Variants in CCNA1 observed in about 807,000 individuals in gnomAD.
The protein encoded by CCNA1 is cyclin A1.
Under a neutral mutation model 54.1 loss-of-function variants are expected in CCNA1, and 23 were observed. That is an observed-to-expected ratio of 0.42 (90% confidence interval 0.31 to 0.60). The LOEUF (loss-of-function observed/expected upper bound fraction) is 0.60, where lower values mean the gene tolerates loss of function less well. Ranked by LOEUF, CCNA1 falls within the 20% of genes least tolerant of loss-of-function variation. The probability of loss-of-function intolerance (pLI) is 0.14; values close to 1 mark genes in which losing one functional copy is unlikely to be tolerated. For synonymous variants in CCNA1, 208 were observed against 213.9 expected (o/e 0.97, Z 0.24); for missense variants, 450 against 556.7 (o/e 0.81, Z 1.93).
At position 36,440,160 on chromosome 13, in the gene CCNA1, G is replaced by T; in HGVS notation, c.1075G>T (p.Val359Phe). 1 of 1,613,996 alleles carries T rather than the reference G, an allele frequency of 6.2e-7. No individual in the cohort carries two copies. Among genetic ancestry groups the T allele is most frequent in the Non-Finnish European group, 8.5e-7 (1 of 1,179,914 alleles). ...GTACTTGAGGCGACAAGGAGTGTGC[G>T]TCAGGACTGAGAACCTGGCTAAGGT... Residue 359 changes from valine to phenylalanine, a missense_variant, in exon 6 of 9, where the codon GTC (valine) becomes TTC (phenylalanine). Physicochemically the swap from Val to Phe is conservative, Grantham distance 50 (BLOSUM62 -1). This residue lies in a region of CCNA1 where 150 missense variants were observed against 219.7 expected (regional missense o/e 0.68). Coordinates refer to ENST00000255465, the MANE Select transcript of CCNA1 (RefSeq NM_003914.4).
rs1491262535 is a variant in CCNA1 at position 36,433,419 on chromosome 13, T to TTTCGTTCGTTCGTTCG, written c.297+201_297+202insGTTCGTTCGTTCGTTC. Among the ~76,000 whole-genome samples the TTTCGTTCGTTCGTTCG allele has an allele frequency of 5.9e-5, 7 of 119,428 alleles. 1 individual carries two copies. The highest frequency in any genetic ancestry group is 2.4e-4 in the African/African-American group (7 of 29,640). 78.3% of individuals were successfully genotyped at this position (119,428 alleles called of 152,430 possible). A position where few individuals can be genotyped will look rare whatever the true frequency, so the allele number is the denominator to read the frequency against. On this transcript the variant is annotated intron_variant, in intron 2 of 8. Transcript: ENST00000255465. ...CTTTCTTTCTTTCTTTCTTTCTTTC[T>TTTCGTTCGTTCGTTCG]TTCTTTCTTTCTTTCTTTCTTTCGT...
In CCNA1 at chr13:36,441,416, T is replaced by C. The variant is rs114084785; in HGVS notation, c.1212+185T>C. On this transcript the variant is annotated intron_variant, in intron 7 of 8. Coordinates refer to ENST00000255465, the MANE Select transcript of CCNA1 (RefSeq NM_003914.4). ...TGGCTTCACTCTATGAGGACTGAGA[T>C]TGCAGGAAGTCAAGGAGACAGCATC... Among the ~76,000 whole-genome samples, 651 of 152,266 alleles carry C rather than the reference T, an allele frequency of 4.3e-3. 7 individuals are homozygous for C. Among genetic ancestry groups the C allele is most frequent in the African/African-American group, 0.015 (616 of 41,554 alleles).
intron 5 of CCNA1, 98 bp from the exon 6 acceptor site, chr13:36,439,881 A>T: frequency 1.4e-6 from 1 of 707,282 alleles, no homozygotes; most frequent in Non-Finnish European, 2.4e-6. Flanking sequence ...GCTGCAAAGT[A>T]AGTCTGCAAG....
At chr13:36,433,522 T>A (rs71423154) in intron 2 of CCNA1, among the ~76,000 whole-genome samples, 1 of 125,522 alleles carries the variant, frequency 8.0e-6, no homozygotes, top group South Asian at 2.7e-4. Context: ...CTTTCCTTTT[T>A]TTTTCTTTCC....
chr13:36,442,151 T>C lies in CCNA1; in HGVS notation c.1213-20T>C, dbSNP rs369532446. 5.0e-6 allele frequency: 8 copies of C among 1,597,918 alleles called. No individual in the cohort carries two copies. The highest frequency in any genetic ancestry group is 6.8e-6 in the Non-Finnish European group (8 of 1,169,970). On this transcript the variant is annotated intron_variant, in intron 7 of 8. Coordinates refer to ENST00000255465, the MANE Select transcript of CCNA1 (RefSeq NM_003914.4). ...AATATAAAGTTATGTGAAGCAATTTTTTTCTTTTGTCTTGATTAGCCAGAA... is the reference window on the plus strand; with the variant it reads ...AATATAAAGTTATGTGAAGCAATTTCTTTCTTTTGTCTTGATTAGCCAGAA...
intron 2 of CCNA1, among the ~76,000 whole-genome samples, chr13:36,435,637 C>T (rs1365836507): frequency 6.6e-6 from 1 of 152,136 alleles, no homozygotes; most frequent in Non-Finnish European, 1.5e-5. Context: ...GCCCTAGGAC[C>T]TAGTCTTTGA....
At chr13:36,442,022 C>T in intron 7 of CCNA1, 149 bp from the exon 8 acceptor site, 1 of 527,280 alleles carries the variant, frequency 1.9e-6, no homozygotes, top group Non-Finnish European at 3.3e-6. Flanking sequence ...TGATATTTTA[C>T]ATCTAAAATC....
rs1253826536 is a variant in CCNA1 at position 36,438,696 on chromosome 13, A to G, written c.722A>G (p.Glu241Gly). The G allele has an allele frequency of 6.2e-7, 1 of 1,614,110 alleles. No individual in the cohort carries two copies. Among genetic ancestry groups the G allele is most frequent in the Non-Finnish European group, 8.5e-7 (1 of 1,180,008 alleles). ...ATGAAGAAGCAGCCAGACATCACGG[A>G]AGGCATGCGCACGATTCTGGTGGAC... Residue 241 changes from glutamate to glycine, a missense_variant, in exon 5 of 9, where the codon GAA (glutamate) becomes GGA (glycine). Transcript: ENST00000255465.
intron 2 of CCNA1, among the ~76,000 whole-genome samples, chr13:36,435,460 G>C (rs1009579977): frequency 2.6e-5 from 4 of 152,062 alleles, no homozygotes; most frequent in South Asian, 4.2e-4. Context: ...TTCCTTCCTC[G>C]ACTGATCAGC....
At chr13:36,432,368 GTGCCC>G (rs1445055370), upstream of CCNA1, 1 of 256,446 alleles carries the variant, frequency 3.9e-6, no homozygotes, top group East Asian at 6.7e-5. Context: ...CCGCCCTTCC[GTGCCC>G]TGCCCTTCCC....
chr13:36,439,044 G>A (rs2055844266), intron 5 of CCNA1, among the ~76,000 whole-genome samples, 177 bp downstream of exon 5: 1 of 152,086 alleles, frequency 6.6e-6, no homozygotes, highest in Admixed American at 6.5e-5. Context: ...CTTACCACAT[G>A]TTTACTCTTC....
At chr13:36,432,904 C>A in intron 1 of CCNA1, 129 bp from the exon 2 acceptor site, 2 of 1,019,788 alleles carry the variant, frequency 2.0e-6, no homozygotes, top group Non-Finnish European at 3.0e-6. Flanking sequence ...CCAATAATTA[C>A]TGGGAAGATC....
chr13:36,438,037 GAGTTATCTGAC>G lies in CCNA1; in HGVS notation c.545-26_545-16del, dbSNP rs1457037151. 6.2e-7 allele frequency: 1 copy of G among 1,605,574 alleles called. No homozygotes were observed. Among genetic ancestry groups the G allele is most frequent in the Middle Eastern group, 1.7e-4 (1 of 5,988 alleles). On this transcript the variant is annotated intron_variant, in intron 3 of 8. Transcript: ENST00000255465. ...GATTGAACAAATGTTTAAATTAAAT[GAGTTATCTGAC>G]AGTGTTGAACTCTTGCAGTTTCCCC...
At chr13:36,439,852 G>A in intron 5 of CCNA1, 127 bp from the exon 6 acceptor site, 1 of 629,210 alleles carries the variant, frequency 1.6e-6, no homozygotes, top group African/African-American at 1.8e-5. Context: ...TCATTTAGTG[G>A]TATTTAAGTG....
chr13:36,438,748 T>C lies in CCNA1; in HGVS notation c.774T>C (p.Tyr258=). ...GGCTGGTGGAGGTTGGGGAAGAATA[T>C]AAACTTCGAGCAGAGACCCTGTATC... is the stretch of plus-strand genomic sequence containing the variant. Residue 258 remains tyrosine (Y), a synonymous_variant, in exon 5 of 9, where the codon TAT becomes TAC. Coordinates refer to ENST00000255465, the MANE Select transcript of CCNA1 (RefSeq NM_003914.4). 1.9e-6 allele frequency: 3 copies of C among 1,614,020 alleles called. No individual in the cohort carries two copies. Among genetic ancestry groups the C allele is most frequent in the Non-Finnish European group, 2.5e-6 (3 of 1,179,966 alleles).
Position 36,442,812 on chromosome 13 carries a change from C to A in CCNA1, c.*147C>A. The A allele has an allele frequency of 2.9e-6, 2 of 684,192 alleles. No individual in the cohort carries two copies. Among genetic ancestry groups the A allele is most frequent in the Non-Finnish European group, 2.5e-6 (1 of 397,966 alleles). 42.4% of individuals were successfully genotyped at this position (684,192 alleles called of 1,614,324 possible). A position where few individuals can be genotyped will look rare whatever the true frequency, so the allele number is the denominator to read the frequency against. ...GTAAATGAATTTAGTTTCCCTTAGA[C>A]TTTAGTAGTTTGTAATATAGTCCAA... On this transcript the variant is annotated 3_prime_UTR_variant, in exon 9 of 9. Coordinates refer to ENST00000255465, the MANE Select transcript of CCNA1 (RefSeq NM_003914.4).
rs948629872 is a variant in CCNA1, at chr13:36,433,368, T to G, written c.297+147T>G. ...TGGACTACAGGAAAGTTGATTGATT[T>G]ATTTTCTTTCTTTCTTTCTTTCTTT... On this transcript the variant is annotated intron_variant, in intron 2 of 8. Coordinates refer to ENST00000255465, the MANE Select transcript of CCNA1 (RefSeq NM_003914.4). 1.4e-4 allele frequency: 48 copies of G among 355,354 alleles called. 4 individuals carry two copies. The highest frequency in any genetic ancestry group is 2.2e-4 in the Non-Finnish European group (46 of 208,706). 22.0% of individuals were successfully genotyped at this position (355,354 alleles called of 1,614,324 possible).
chr13:36,439,835 C>T, intron 5 of CCNA1, 144 bp from the exon 6 acceptor site: 1 of 612,532 alleles, frequency 1.6e-6, no homozygotes, highest in East Asian at 2.7e-5. Context: ...ACTTTCATAG[C>T]CCTGAGTCAT....
chr13:36,440,066 G>T lies in CCNA1; in HGVS notation c.981G>T (p.Met327Ile). 1 of 1,613,768 alleles carries T rather than the reference G, an allele frequency of 6.2e-7. No homozygotes were observed. The highest frequency in any genetic ancestry group is 8.5e-7 in the Non-Finnish European group (1 of 1,179,672). Residue 327 changes from methionine (M) to isoleucine (I), a missense_variant, in exon 6 of 9, where the codon ATG becomes ATT. Met to Ile is a conservative substitution (Grantham distance 10). Coordinates refer to ENST00000255465, the MANE Select transcript of CCNA1 (RefSeq NM_003914.4). ...ACACAAAACGACAACTGTTAAAAAT[G>T]GAACACTTGCTTCTGAAAGTTCTAG...
Sources: allele counts gnomAD v4.1 joint callset (sites outside exome capture counted in the v4.1 genomes callset), GRCh38; gene constraint gnomAD v4.1.1; regional missense constraint gnomAD v4.1.1; transcripts MANE v1.5; gene names NCBI Gene and HGNC (gene_info 2026-07-23, HGNC 2026-07-21).